Variants in GRIN2A observed in about 807,000 individuals in gnomAD.
The protein encoded by GRIN2A is glutamate receptor ionotropic, NMDA 2A.
GRIN2A carries 22 observed loss-of-function variants against 113.4 expected under a neutral mutation model. The ratio of observed to expected loss-of-function variants is 0.19; its 90% CI spans 0.14 to 0.28. The LOEUF is 0.28. Ranked by LOEUF, GRIN2A falls within the 10% of genes least tolerant of loss-of-function variation. The pLI, the probability that GRIN2A is intolerant of heterozygous loss-of-function variation, is 1.00. For missense variants in GRIN2A, 1,502 were observed against 1,887.0 expected (o/e 0.80, Z 3.78); for synonymous variants, 827 against 738.4 (o/e 1.12, Z -1.94).
intron 11 of GRIN2A, among the ~76,000 whole-genome samples, chr16:9,777,782 G>A (rs1437186637): frequency 6.6e-6 from 1 of 152,246 alleles, no homozygotes; most frequent in East Asian, 1.9e-4. Flanking sequence ...TCCCAACTCT[G>A]GCCGGGTGCA....
At position 9,935,933 on chromosome 16, in the gene GRIN2A, C is replaced by A. The variant is rs140589626; in HGVS notation, c.1007+2026G>T. ...ACCAGGCTGGTCTCAAACTCCTGGC[C>A]TCCAGCGATCCACCCACCTCGGCCT... On this transcript the variant is annotated intron_variant, in intron 3 of 12. Transcript: ENST00000330684. Among the ~76,000 whole-genome samples the A allele has an allele frequency of 8.3e-4, 126 of 152,214 alleles. 1 individual carries two copies. The highest frequency in any genetic ancestry group is 2.9e-3 in the African/African-American group (120 of 41,526).
rs2141346229 is a variant in GRIN2A, at chr16:9,841,109, A to G, written c.1329-5T>C. The G allele has an allele frequency of 1.2e-6, 2 of 1,612,000 alleles. No individual in the cohort carries two copies. Among genetic ancestry groups the G allele is most frequent in the Non-Finnish European group, 1.7e-6 (2 of 1,178,182 alleles). ...ATCCCCTCATTGGTTGAATTGCTGTAAAGAAAAACCCCAAGACCACAGAAT... is the reference window on the plus strand; with the variant it reads ...ATCCCCTCATTGGTTGAATTGCTGTGAAGAAAAACCCCAAGACCACAGAAT... On this transcript the variant is annotated splice_region_variant and splice_polypyrimidine_tract_variant and intron_variant, in intron 5 of 12. Coordinates refer to ENST00000330684, the MANE Select transcript of GRIN2A (RefSeq NM_001134407.3).
chr16:9,770,853 C>G (rs1901231653), intron 11 of GRIN2A, among the ~76,000 whole-genome samples: 1 of 152,160 alleles, frequency 6.6e-6, no homozygotes, highest in Admixed American at 6.5e-5. Flanking sequence ...TTCCCATATA[C>G]TACCTCTCCC....
At chr16:10,113,068 C>T (rs886415966) in intron 2 of GRIN2A, among the ~76,000 whole-genome samples, 4 of 151,626 alleles carry the variant, frequency 2.6e-5, no homozygotes, top group East Asian at 2.0e-4. Flanking sequence ...CCTACAGAGT[C>T]GGGCCTGCTC....
intron 2 of GRIN2A, among the ~76,000 whole-genome samples, chr16:10,146,952 A>C (rs1302982412): frequency 2.6e-5 from 4 of 152,110 alleles, no homozygotes; most frequent in Non-Finnish European, 2.9e-5. Flanking sequence ...TCTCCAGTGC[A>C]ATTGGAAATC....
intron 2 of GRIN2A, among the ~76,000 whole-genome samples, chr16:10,160,086 A>G (rs2049780525): frequency 6.6e-6 from 1 of 152,214 alleles, no homozygotes; most frequent in South Asian, 2.1e-4. Flanking sequence ...TCTGCCCTCC[A>G]GGGCTGTAAG....
At chr16:9,918,584 A>G (rs946402765) in intron 3 of GRIN2A, among the ~76,000 whole-genome samples, 6 of 152,242 alleles carry the variant, frequency 3.9e-5, no homozygotes, top group African/African-American at 1.4e-4. Flanking sequence ...GTCATTCAAA[A>G]GCGACTAACA....
intron 2 of GRIN2A, among the ~76,000 whole-genome samples, chr16:9,948,363 G>A (rs1270073834): frequency 6.6e-6 from 1 of 152,184 alleles, no homozygotes; most frequent in Non-Finnish European, 1.5e-5. Context: ...GGGGGCTGGG[G>A]CATTGCAAGC....
At chr16:10,086,719 C>A (rs1214346690) in intron 2 of GRIN2A, among the ~76,000 whole-genome samples, 2 of 152,044 alleles carry the variant, frequency 1.3e-5, no homozygotes, top group East Asian at 1.9e-4. Context: ...ACCAGGCAAG[C>A]AAAGCGTAGG....
chr16:10,014,068 T>C (rs1016167996), intron 2 of GRIN2A, among the ~76,000 whole-genome samples: 2 of 152,212 alleles, frequency 1.3e-5, no homozygotes, highest in South Asian at 2.1e-4. Context: ...CCCGTCTAGA[T>C]TGATAAGCTC....
chr16:9,822,170 T>C (rs2042297662), intron 10 of GRIN2A, 94 bp downstream of exon 10: 6 of 1,273,118 alleles, frequency 4.7e-6, no homozygotes, highest in South Asian at 2.4e-5. Flanking sequence ...AGAAATACAA[T>C]GGGAGCAGAT....
intron 2 of GRIN2A, among the ~76,000 whole-genome samples, chr16:10,161,725 G>T (rs2049813312): frequency 6.6e-6 from 1 of 152,142 alleles, no homozygotes; most frequent in Non-Finnish European, 1.5e-5. Flanking sequence ...CAAGCAGCTG[G>T]CAGGGTGGCA....
chr16:10,102,243 A>C (rs573800496), intron 2 of GRIN2A, among the ~76,000 whole-genome samples: 1 of 152,264 alleles, frequency 6.6e-6, no homozygotes, highest in Non-Finnish European at 1.5e-5. Flanking sequence ...TCCCTCATGA[A>C]CAGCCTAGCA....
At chr16:9,864,632 C>T (rs1356437857) in intron 4 of GRIN2A, among the ~76,000 whole-genome samples, 1 of 152,112 alleles carries the variant, frequency 6.6e-6, no homozygotes, top group East Asian at 1.9e-4. Context: ...AAAGCCAATT[C>T]CATTTGGATC....
At chr16:9,791,094 C>T (rs1442754452) in intron 11 of GRIN2A, among the ~76,000 whole-genome samples, 1 of 152,136 alleles carries the variant, frequency 6.6e-6, no homozygotes, top group East Asian at 1.9e-4. Context: ...TAATTTGCCC[C>T]AGGTCACACC....
intron 11 of GRIN2A, among the ~76,000 whole-genome samples, chr16:9,784,366 G>T (rs1240249966): frequency 6.8e-6 from 1 of 147,288 alleles, no homozygotes; most frequent in East Asian, 2.0e-4. Flanking sequence ...GGAAGCAGAG[G>T]TTACAGTAAG....
At chr16:10,170,146 T>G (rs954747922) in intron 2 of GRIN2A, among the ~76,000 whole-genome samples, 2 of 152,254 alleles carry the variant, frequency 1.3e-5, no homozygotes, top group African/African-American at 4.8e-5. Flanking sequence ...TTAAAAATGC[T>G]GTACTGGTGA....
intron 4 of GRIN2A, among the ~76,000 whole-genome samples, chr16:9,868,146 C>A: frequency 6.6e-6 from 1 of 152,184 alleles, no homozygotes; most frequent in East Asian, 1.9e-4. Context: ...TAACTCACAG[C>A]CACCACCCTC....
intron 2 of GRIN2A, chr16:10,111,246 CTAAGTGGTTAAATAACCACCA>C: frequency 3.5e-6 from 1 of 286,234 alleles, no homozygotes; most frequent in Non-Finnish European, 6.8e-6. Context: ...GCACCCAACA[CTAAGTGGTTAAATAACCACCA>C]CTATGGGCAT....
Sources: allele counts gnomAD v4.1 joint callset (sites outside exome capture counted in the v4.1 genomes callset), GRCh38; gene constraint gnomAD v4.1.1; transcripts MANE v1.5; gene names NCBI Gene and HGNC (gene_info 2026-07-23, HGNC 2026-07-21).